The following MDFI variants were observed in gnomAD, a reference collection of about 807,000 sequenced individuals.
MDFI encodes MyoD family inhibitor.
MDFI carries 16 observed loss-of-function variants against 22.3 expected under a neutral mutation model. The ratio of observed to expected loss-of-function variants is 0.72; its 90% CI spans 0.49 to 1.09. The LOEUF (loss-of-function observed/expected upper bound fraction) is 1.09, where lower values mean the gene tolerates loss of function less well. MDFI is among the 50% of genes least tolerant of loss of function. MDFI has a pLI of 0.00. For missense variants in MDFI, 314 were observed against 326.1 expected, an observed-to-expected ratio of 0.96 and a Z score of 0.29; for synonymous variants, 145 against 142.7, an observed-to-expected ratio of 1.02 and a Z score of -0.12.
intron 4 of MDFI, among the ~76,000 whole-genome samples, chr6:41,652,719 C>T (rs1343840669): frequency 4.1e-5 from 6 of 146,922 alleles, no homozygotes; most frequent in Non-Finnish European, 7.4e-5. Context: ...TGGGTTCAAG[C>T]GATTCTCCTG....
At chr6:41,637,475 A>T (rs1011515066), upstream of MDFI, among the ~76,000 whole-genome samples, 2 of 151,904 alleles carry the variant, frequency 1.3e-5, no homozygotes, top group Non-Finnish European at 2.9e-5. The surrounding 1 kb of genome is among the most constrained non-coding windows in gnomAD (Gnocchi z 6.8). Context: ...GCCCTAGACA[A>T]GTACGGCCGA....
At chr6:41,643,568 AGGAAGGAAGGAGGGAG>A (rs1767934717) in intron 2 of MDFI, among the ~76,000 whole-genome samples, 2 of 95,512 alleles carry the variant, frequency 2.1e-5, no homozygotes, top group Non-Finnish European at 3.9e-5. Flanking sequence ...GAAGGAAGGA[AGGAAGGAAGGAGGGAG>A]GGAGGGAGGG....
upstream of MDFI, chr6:41,638,407 G>A (rs978607258): frequency 6.4e-6 from 2 of 314,094 alleles, no homozygotes; most frequent in Non-Finnish European, 1.2e-5. This position sits in a 1 kb window ranked among gnomAD's most constrained non-coding sequence, Gnocchi z 7.6. Flanking sequence ...GGTGGGCCAG[G>A]GAAGAGGGGA....
chr6:41,641,718 A>T (rs963152347), intron 2 of MDFI, among the ~76,000 whole-genome samples: 1 of 152,216 alleles, frequency 6.6e-6, no homozygotes, highest in African/African-American at 2.4e-5. Context: ...GACGAGGGCT[A>T]AACTTAAGGC....
chr6:41,645,858 T>G (rs1310794329), intron 2 of MDFI, among the ~76,000 whole-genome samples: 2 of 152,172 alleles, frequency 1.3e-5, no homozygotes, highest in African/African-American at 2.4e-5. Flanking sequence ...CTCTTTATAT[T>G]CTGCCATCTC....
At chr6:41,649,877 C>T in intron 4 of MDFI, 34 bp downstream of exon 4, 3 of 1,575,972 alleles carry the variant, frequency 1.9e-6, no homozygotes, top group Non-Finnish European at 2.6e-6. Context: ...CTGGGAGAGG[C>T]CTCCAAAGCC....
At chr6:41,650,104 C>A in intron 4 of MDFI, 1 of 446,836 alleles carries the variant, frequency 2.2e-6, no homozygotes. Flanking sequence ...AGGCCACCTC[C>A]CCACCCCACC....
At chr6:41,638,397 G>T, upstream of MDFI, 1 of 285,960 alleles carries the variant, frequency 3.5e-6, no homozygotes, top group Non-Finnish European at 6.6e-6. The surrounding 1 kb of genome is among the most constrained non-coding windows in gnomAD (Gnocchi z 7.6). Flanking sequence ...GCGGGGAGAG[G>T]GTGGGCCAGG....
intron 2 of MDFI, among the ~76,000 whole-genome samples, 198 bp downstream of exon 2, chr6:41,639,023 C>T (rs545676918): frequency 8.1e-4 from 123 of 152,232 alleles, no homozygotes; most frequent in African/African-American, 3.0e-3. Flanking sequence ...GGGCCCTGAA[C>T]AGAGGCTGCG....
chr6:41,639,150 A>C, intron 2 of MDFI: 1 of 811,590 alleles, frequency 1.2e-6, no homozygotes, highest in South Asian at 5.6e-5. Flanking sequence ...TTTGTGTCTC[A>C]ACTGTTTCTG....
At position 41,653,500 on chromosome 6, in the gene MDFI, C is replaced by CCTGGATGCCTGCTGCGAGTCCG; in HGVS notation, c.668_689dup (p.Asp231GlyfsTer115). 6.2e-7 allele frequency: 1 copy of CCTGGATGCCTGCTGCGAGTCCG among 1,602,714 alleles called. No homozygotes were observed. The highest frequency in any genetic ancestry group is 8.5e-7 in the Non-Finnish European group (1 of 1,179,946). On this transcript the variant is annotated frameshift_variant, in exon 5 of 5. Coordinates refer to ENST00000230321, the MANE Select transcript of MDFI (RefSeq NM_005586.4). LOFTEE classifies it high-confidence loss of function. This position sits in a 1 kb window ranked among gnomAD's most constrained non-coding sequence, Gnocchi z 4.2. ...TGCCCTGCGACCTGGACTGCGGCAT[C>CCTGGATGCCTGCTGCGAGTCCG]CTGGATGCCTGCTGCGAGTCCGCGG... is the stretch of plus-strand genomic sequence containing the variant.
At chr6:41,640,537 A>G (rs73418069) in intron 2 of MDFI, among the ~76,000 whole-genome samples, 6,960 of 152,272 alleles carry the variant, frequency 0.046, 499 homozygotes, top group African/African-American at 0.15. Flanking sequence ...CCTTGGGAGA[A>G]TGAGCCTGCT....
rs1767722973 is a variant in MDFI at position 41,638,674 on chromosome 6, G to A, written c.-12+22G>A. 1 of 1,448,334 alleles carries A rather than the reference G, an allele frequency of 6.9e-7. No individual in the cohort carries two copies. Among genetic ancestry groups the A allele is most frequent in the East Asian group, 2.5e-5 (1 of 40,216 alleles). 89.7% of individuals were successfully genotyped at this position (1,448,334 alleles called of 1,614,324 possible). ...ACGAGTGAGTGGACGTGGGAGGCGC[G>A]CATCTGCGGGGGAATCGCCCCTTGC... On this transcript the variant is annotated intron_variant, in intron 1 of 4. Coordinates refer to ENST00000230321, the MANE Select transcript of MDFI (RefSeq NM_005586.4). The surrounding 1 kb of genome is among the most constrained non-coding windows in gnomAD (Gnocchi z 7.6).
In MDFI at chr6:41,649,543, G is replaced by T. The variant is rs184698431; in HGVS notation, c.260-76G>T. On this transcript the variant is annotated intron_variant, in intron 3 of 4. Coordinates refer to ENST00000230321, the MANE Select transcript of MDFI (RefSeq NM_005586.4). ...TGGGGTATATGTAAGAATGCAGCAG[G>T]CAGGATTCGAGCATAGCTCTGGGGG... The T allele has an allele frequency of 4.0e-3, 5,319 of 1,324,342 alleles. 16 individuals carry two copies. The highest frequency in any genetic ancestry group is 0.014 in the Middle Eastern group (51 of 3,702). The allele number at this position is 1,324,342 out of a possible 1,614,324, so 82.0% of individuals were successfully genotyped here.
At chr6:41,640,940 G>C (rs57083605) in intron 2 of MDFI, among the ~76,000 whole-genome samples, 11,798 of 152,266 alleles carry the variant, frequency 0.077, 495 homozygotes, top group South Asian at 0.11. Context: ...TGGGGATTTG[G>C]AACCTTCAGA....
intron 3 of MDFI, among the ~76,000 whole-genome samples, 155 bp from the exon 4 acceptor site, chr6:41,649,464 T>C (rs1359042068): frequency 6.6e-6 from 1 of 152,244 alleles, no homozygotes; most frequent in African/African-American, 2.4e-5. Flanking sequence ...AGTCATTTCT[T>C]CTCTCTGGGC....
intron 3 of MDFI, 39 bp downstream of exon 3, chr6:41,646,347 T>C (rs1461889785): frequency 1.4e-6 from 2 of 1,385,502 alleles, no homozygotes; most frequent in South Asian, 1.9e-5. Context: ...TGGCAACATG[T>C]AGGGTTGCAC....
intron 2 of MDFI, among the ~76,000 whole-genome samples, chr6:41,640,484 A>G (rs973418715): frequency 1.3e-5 from 2 of 152,128 alleles, no homozygotes; most frequent in African/African-American, 4.8e-5. Context: ...GGGCTGGGCC[A>G]GACAATGCGG....
At position 41,653,662 on chromosome 6, in the gene MDFI, C is replaced by G. The variant is rs1431809429; in HGVS notation, c.*87C>G. On this transcript the variant is annotated 3_prime_UTR_variant, in exon 5 of 5. Coordinates refer to ENST00000230321, the MANE Select transcript of MDFI (RefSeq NM_005586.4). The surrounding 1 kb of genome is among the most constrained non-coding windows in gnomAD (Gnocchi z 4.2). ...TGGGGCCAGGCCCAGGACTGTCACACAAGGCTTGAGAAGCCCCCTCTCCCT... is the reference window on the plus strand; with the variant it reads ...TGGGGCCAGGCCCAGGACTGTCACAGAAGGCTTGAGAAGCCCCCTCTCCCT... 1 of 1,535,730 alleles carries G rather than the reference C, an allele frequency of 6.5e-7. No homozygotes were observed. The highest frequency in any genetic ancestry group is 8.8e-7 in the Non-Finnish European group (1 of 1,137,168).
Sources: gnomAD v4.1 joint callset for allele counts (sites outside exome capture counted in the v4.1 genomes callset) on GRCh38, gnomAD v4.1.1 for gene constraint, Gnocchi (gnomAD v3.1) non-coding constraint, MANE v1.5 for transcripts, NCBI Gene and HGNC (gene_info 2026-07-23, HGNC 2026-07-21) for gene names.